DAB2IP: variants seen among roughly 807,000 people sequenced by gnomAD.
The protein encoded by DAB2IP is disabled homolog 2-interacting protein.
DAB2IP carries 28 observed loss-of-function variants against 107.2 expected under a neutral mutation model. That is an observed-to-expected ratio of 0.26 (90% CI 0.19 to 0.36). The LOEUF (loss-of-function observed/expected upper bound fraction) is 0.36, where lower values mean the gene tolerates loss of function less well. DAB2IP is among the 10% of genes least tolerant of loss of function. DAB2IP has a pLI of 1.00. For synonymous variants in DAB2IP, 755 were observed against 706.4 expected (o/e 1.07, Z -1.09); for missense variants, 1,400 against 1,644.7 (o/e 0.85, Z 2.57).
At chr9:121,586,757 C>G (rs778690663) in intron 1 of DAB2IP, among the ~76,000 whole-genome samples, 1 of 151,606 alleles carries the variant, frequency 6.6e-6, no homozygotes, top group African/African-American at 2.4e-5. Context: ...GAGGTGGAGG[C>G]TGTAGTGAGC....
chr9:121,691,708 C>T (rs1033037741), intron 2 of DAB2IP, among the ~76,000 whole-genome samples: 1 of 152,144 alleles, frequency 6.6e-6, no homozygotes, highest in African/African-American at 2.4e-5. Context: ...GAGCCCAAGG[C>T]CCCAGAGCCA....
intron 1 of DAB2IP, among the ~76,000 whole-genome samples, chr9:121,629,346 C>G (rs1831786505): frequency 6.6e-6 from 1 of 152,084 alleles, no homozygotes; most frequent in African/African-American, 2.4e-5. Context: ...GGGTGACAGC[C>G]AAGCTTCAGG....
chr9:121,663,887 T>A (rs1325141346), intron 1 of DAB2IP, among the ~76,000 whole-genome samples: 1 of 152,244 alleles, frequency 6.6e-6, no homozygotes, highest in Non-Finnish European at 1.5e-5. Context: ...GGGGCAACCC[T>A]TAGATTCAGA....
intron 1 of DAB2IP, among the ~76,000 whole-genome samples, chr9:121,576,595 A>G (rs1482070077): frequency 2.6e-5 from 4 of 151,994 alleles, no homozygotes; most frequent in Admixed American, 2.0e-4. Context: ...GTTTGTCCCC[A>G]TCTCTGGGCT....
At chr9:121,675,936 T>TC (rs949350903) in intron 1 of DAB2IP, among the ~76,000 whole-genome samples, 26 of 152,156 alleles carry the variant, frequency 1.7e-4, no homozygotes, top group Admixed American at 1.4e-3. Flanking sequence ...AGAGTGGTTA[T>TC]CCCCTGACTG....
Position 121,782,806 on chromosome 9 carries a change from T to C in DAB2IP, c.*308T>C. 4.1e-6 allele frequency: 5 copies of C among 1,215,232 alleles called. No homozygotes were observed. Among genetic ancestry groups the C allele is most frequent in the Non-Finnish European group, 5.2e-6 (5 of 968,572 alleles). The allele number at this position is 1,215,232 out of a possible 1,614,324, so 75.3% of individuals were successfully genotyped here. On this transcript the variant is annotated 3_prime_UTR_variant, in exon 16 of 16. Coordinates refer to ENST00000408936, the Ensembl canonical transcript of DAB2IP. The surrounding 1 kb of genome is among the most constrained non-coding windows in gnomAD (Gnocchi z 6.1). ...TATGTCTGTTGGTTCCTGAATGTGG[T>C]GTGTCCTTGTCCTCCTGGATCTGGC...
intron 1 of DAB2IP, among the ~76,000 whole-genome samples, 178 bp downstream of exon 1, chr9:121,652,077 TC>T (rs1832767230): frequency 6.6e-6 from 1 of 152,018 alleles, no homozygotes; most frequent in Non-Finnish European, 1.5e-5. Flanking sequence ...AGTCCTCCTC[TC>T]GCCGGGGGAA....
chr9:121,783,669 C>A, exon 16 of DAB2IP: 1 of 1,262,370 alleles, frequency 7.9e-7, no homozygotes, highest in Non-Finnish European at 1.2e-6. Context: ...ACAGCAGCAG[C>A]CTGCACCTGC....
At chr9:121,769,310 C>G (rs1008237179) in intron 10 of DAB2IP, among the ~76,000 whole-genome samples, 1 of 152,248 alleles carries the variant, frequency 6.6e-6, no homozygotes, top group African/African-American at 2.4e-5. Context: ...GGTGACCGCT[C>G]AGAGCACTGG....
At chr9:121,728,161 T>A (rs532001528) in intron 3 of DAB2IP, among the ~76,000 whole-genome samples, 1 of 152,224 alleles carries the variant, frequency 6.6e-6, no homozygotes, top group South Asian at 2.1e-4. Flanking sequence ...GGCCCTGGGT[T>A]CTAGGCCCTT....
At chr9:121,759,050 A>T in intron 5 of DAB2IP, 54 bp downstream of exon 5, 1 of 1,537,112 alleles carries the variant, frequency 6.5e-7, no homozygotes, top group African/African-American at 1.4e-5. Context: ...AGGCTCAGAT[A>T]GGAGGAAACA....
chr9:121,699,545 C>G lies in DAB2IP; in HGVS notation c.362+87C>G, dbSNP rs1829652661. On this transcript the variant is annotated intron_variant, in intron 3 of 15. Coordinates refer to ENST00000408936, the Ensembl canonical transcript of DAB2IP. This position sits in a 1 kb window ranked among gnomAD's most constrained non-coding sequence, Gnocchi z 6.2. Reference sequence around the variant, plus strand: ...GCGGGGACAAAGCGCGAGCCCGGCCCGGGGCGAGCCACACGGCGGTGGGGG... The same window carrying G: ...GCGGGGACAAAGCGCGAGCCCGGCCGGGGGCGAGCCACACGGCGGTGGGGG... 4 of 1,118,818 alleles carry G rather than the reference C, an allele frequency of 3.6e-6. No individual in the cohort carries two copies. The highest frequency in any genetic ancestry group is 4.4e-6 in the Non-Finnish European group (4 of 909,000). 69.3% of individuals were successfully genotyped at this position (1,118,818 alleles called of 1,614,324 possible).
intron 1 of DAB2IP, among the ~76,000 whole-genome samples, chr9:121,642,280 G>A (rs1340852770): frequency 2.7e-5 from 4 of 150,578 alleles, no homozygotes; most frequent in Non-Finnish European, 5.9e-5. Context: ...TCACTCTGTC[G>A]CCCAGGCTGG....
intron 5 of DAB2IP, among the ~76,000 whole-genome samples, chr9:121,759,487 C>T (rs1002300399): frequency 1.3e-5 from 2 of 152,228 alleles, no homozygotes; most frequent in African/African-American, 2.4e-5. Flanking sequence ...TGACCAAGTC[C>T]TGGTCACCAT....
chr9:121,568,786 C>A (rs1479621197), intron 1 of DAB2IP, among the ~76,000 whole-genome samples: 1 of 152,196 alleles, frequency 6.6e-6, no homozygotes, highest in Non-Finnish European at 1.5e-5. Flanking sequence ...GGACCAGCCC[C>A]AGCCAGGGAT....
intron 3 of DAB2IP, chr9:121,737,507 G>C (rs1832013992): frequency 1.0e-6 from 1 of 985,322 alleles, no homozygotes; most frequent in Non-Finnish European, 1.2e-6. Context: ...CTGTCCAGAA[G>C]AGCTGCCTGG....
At chr9:121,675,414 C>G in intron 1 of DAB2IP, among the ~76,000 whole-genome samples, 1 of 152,136 alleles carries the variant, frequency 6.6e-6, no homozygotes, top group Non-Finnish European at 1.5e-5. Flanking sequence ...GGAGTCCCTT[C>G]TTTCTGAGGG....
At chr9:121,765,627 G>C (rs1834222392) in intron 8 of DAB2IP, among the ~76,000 whole-genome samples, 1 of 152,196 alleles carries the variant, frequency 6.6e-6, no homozygotes, top group Admixed American at 6.5e-5. Flanking sequence ...GAGGGCTAGG[G>C]CCTTGGTCAG....
chr9:121,623,029 A>G (rs1313431101), intron 1 of DAB2IP, among the ~76,000 whole-genome samples: 1 of 152,214 alleles, frequency 6.6e-6, no homozygotes, highest in East Asian at 1.9e-4. Flanking sequence ...CCTGGGTCCT[A>G]TCTGCCGAGT....
Sources: allele counts gnomAD v4.1 joint callset (sites outside exome capture counted in the v4.1 genomes callset), GRCh38; gene constraint gnomAD v4.1.1; non-coding constraint Gnocchi (gnomAD v3.1); transcripts MANE v1.5; gene names NCBI Gene and HGNC (gene_info 2026-07-23, HGNC 2026-07-21).